The following DCC variants were observed in gnomAD, a reference collection of about 807,000 sequenced individuals.
DCC encodes DCC netrin 1 receptor.
A neutral mutation model predicts 172.5 loss-of-function variants in DCC; 58 were observed. That is an observed-to-expected ratio of 0.34 (90% CI 0.27 to 0.42). The LOEUF (loss-of-function observed/expected upper bound fraction) is 0.42. DCC is among the 10% of genes least tolerant of loss of function. DCC has a pLI of 1.00. For synonymous variants in DCC, 709 were observed against 644.5 expected, an observed-to-expected ratio of 1.10 and a Z score of -1.52; for missense variants, 1,740 against 1,791.0, an observed-to-expected ratio of 0.97 and a Z score of 0.51.
intron 1 of DCC, among the ~76,000 whole-genome samples, chr18:52,510,648 A>G (rs1260393432): frequency 6.6e-6 from 1 of 152,168 alleles, no homozygotes; most frequent in African/African-American, 2.4e-5. Context: ...GAAACCTCTA[A>G]TTAAGTCAGC....
At chr18:52,855,175 C>G (rs1430366898) in intron 2 of DCC, among the ~76,000 whole-genome samples, 1 of 152,182 alleles carries the variant, frequency 6.6e-6, no homozygotes, top group Non-Finnish European at 1.5e-5. Flanking sequence ...CTAGTGCTTT[C>G]CAGCCTCCCG....
At chr18:52,591,785 TTC>T (rs1431620469) in intron 1 of DCC, among the ~76,000 whole-genome samples, 2 of 138,378 alleles carry the variant, frequency 1.4e-5, no homozygotes, top group African/African-American at 5.3e-5. Context: ...CTTTATTTAT[TTC>T]TTTTTTTTTT....
At chr18:52,462,179 T>C (rs1988650844) in intron 1 of DCC, among the ~76,000 whole-genome samples, 1 of 152,198 alleles carries the variant, frequency 6.6e-6, no homozygotes, top group South Asian at 2.1e-4. Flanking sequence ...AGTGTATTTA[T>C]GGCAATAACC....
intron 12 of DCC, among the ~76,000 whole-genome samples, chr18:53,276,509 T>C (rs1241455128): frequency 6.6e-6 from 1 of 152,182 alleles, no homozygotes; most frequent in Non-Finnish European, 1.5e-5. Flanking sequence ...TAAATGTCCT[T>C]CTTTCCTTAC....
intron 2 of DCC, among the ~76,000 whole-genome samples, chr18:52,782,892 A>T (rs2145189329): frequency 6.6e-6 from 1 of 152,262 alleles, no homozygotes; most frequent in African/African-American, 2.4e-5. Flanking sequence ...TCTACCTAGA[A>T]GAAATGGGTG....
chr18:52,366,104 A>AAG (rs759062726), intron 1 of DCC, among the ~76,000 whole-genome samples: 8 of 152,042 alleles, frequency 5.3e-5, no homozygotes, highest in Non-Finnish European at 1.0e-4. Context: ...TATGAAGGAG[A>AAG]AGAGAGAGAT....
At chr18:52,575,084 A>T (rs1727618256) in intron 1 of DCC, among the ~76,000 whole-genome samples, 1 of 152,190 alleles carries the variant, frequency 6.6e-6, no homozygotes, top group Admixed American at 6.5e-5. Flanking sequence ...TGACATCTGG[A>T]ATTTAGCAGC....
intron 2 of DCC, among the ~76,000 whole-genome samples, chr18:52,874,644 A>C (rs779663376): frequency 2.6e-5 from 4 of 152,134 alleles, no homozygotes; most frequent in Non-Finnish European, 2.9e-5. Flanking sequence ...TTTATCAACA[A>C]TGGTGTGTTT....
At chr18:53,261,637 G>A (rs977811563) in intron 12 of DCC, among the ~76,000 whole-genome samples, 9 of 152,038 alleles carry the variant, frequency 5.9e-5, no homozygotes, top group Admixed American at 1.3e-4. Context: ...CAGCCTCTCC[G>A]AGTAGCTGGG....
chr18:53,302,352 C>A (rs1204647327), intron 12 of DCC, among the ~76,000 whole-genome samples: 2 of 152,026 alleles, frequency 1.3e-5, no homozygotes, highest in African/African-American at 2.4e-5. Flanking sequence ...CTACTGGTAC[C>A]CATTTCCAAT....
chr18:53,236,057 GA>G (rs1359772448), intron 12 of DCC, among the ~76,000 whole-genome samples: 14 of 152,206 alleles, frequency 9.2e-5, no homozygotes, highest in African/African-American at 3.4e-4. Context: ...CACACTGTTG[GA>G]AAAGGCTTTA....
At chr18:52,561,705 G>A (rs2033043426) in intron 1 of DCC, among the ~76,000 whole-genome samples, 1 of 152,084 alleles carries the variant, frequency 6.6e-6, no homozygotes, top group Non-Finnish European at 1.5e-5. Flanking sequence ...CATCCTTAGA[G>A]CTATCATGAA....
intron 1 of DCC, among the ~76,000 whole-genome samples, chr18:52,595,109 A>G (rs1273093827): frequency 2.0e-5 from 3 of 152,208 alleles, no homozygotes; most frequent in African/African-American, 7.2e-5. Context: ...TCATCCTGCC[A>G]ATGCCTTGTA....
At chr18:53,027,288 T>C (rs546414458) in intron 5 of DCC, among the ~76,000 whole-genome samples, 1 of 152,084 alleles carries the variant, frequency 6.6e-6, no homozygotes. Context: ...ATGATGAATG[T>C]GGAAAGGGTT....
intron 1 of DCC, among the ~76,000 whole-genome samples, chr18:52,496,223 G>A (rs1027356335): frequency 1.3e-5 from 2 of 151,932 alleles, no homozygotes; most frequent in Admixed American, 1.3e-4. Flanking sequence ...GTAAATACAG[G>A]CCAAAGATAA....
intron 1 of DCC, among the ~76,000 whole-genome samples, chr18:52,562,879 C>T (rs1365540980): frequency 1.3e-5 from 2 of 152,058 alleles, no homozygotes; most frequent in African/African-American, 2.4e-5. Flanking sequence ...ATCCTTCTGC[C>T]TCAGCCCCCT....
chr18:53,325,531 T>C (rs372653900), intron 14 of DCC, among the ~76,000 whole-genome samples: 16 of 152,360 alleles, frequency 1.1e-4, no homozygotes, highest in South Asian at 4.1e-4. Context: ...TCACCACTTA[T>C]TAGAAGACAC....
chr18:53,343,471 G>A (rs2057685900), intron 15 of DCC, among the ~76,000 whole-genome samples: 1 of 151,380 alleles, frequency 6.6e-6, no homozygotes, highest in Admixed American at 6.6e-5. Flanking sequence ...ATTTTTGAAG[G>A]GTAACCAACC....
chr18:52,945,217 T>C (rs950926050), intron 5 of DCC, among the ~76,000 whole-genome samples: 3 of 152,252 alleles, frequency 2.0e-5, no homozygotes, highest in African/African-American at 7.2e-5. Flanking sequence ...AATATGAACT[T>C]AGGTTTTAAC....
Sources: allele counts gnomAD v4.1 joint callset (sites outside exome capture counted in the v4.1 genomes callset), GRCh38; gene constraint gnomAD v4.1.1; transcripts MANE v1.5; gene names NCBI Gene and HGNC (gene_info 2026-07-23, HGNC 2026-07-21).